CNIH2: variants seen among roughly 807,000 people sequenced by gnomAD.
CNIH2 encodes cornichon family AMPA receptor auxiliary protein 2.
In CNIH2, 8 loss-of-function variants were observed where a neutral mutation model predicts 22.9. The observed-to-expected ratio is 0.35, with a 90% CI of 0.20 to 0.63. The LOEUF is 0.63. CNIH2 is among the 30% of genes least tolerant of loss of function. The pLI, the probability that CNIH2 is intolerant of heterozygous loss-of-function variation, is 0.72. For missense variants in CNIH2, 105 were observed against 206.2 expected, an observed-to-expected ratio of 0.51 and a Z score of 3.01; for synonymous variants, 74 against 78.2, an observed-to-expected ratio of 0.95 and a Z score of 0.28.
At chr11:66,282,434 C>T (rs1269602050) in intron 2 of CNIH2, 107 bp downstream of exon 2, 3 of 1,109,574 alleles carry the variant, frequency 2.7e-6, no homozygotes, top group Non-Finnish European at 4.0e-6. Flanking sequence ...GGGGGGCCTA[C>T]GGCCATGCCC....
In CNIH2 at chr11:66,280,919, T is replaced by C. The variant is rs540733106; in HGVS notation, c.82-1340T>C. Among the ~76,000 whole-genome samples, 9 of 152,264 alleles carry C rather than the reference T, an allele frequency of 5.9e-5. No homozygotes were observed. In the South Asian group the frequency reaches 1.9e-3, roughly 32 times the overall value. On this transcript the variant is annotated intron_variant, in intron 1 of 5. Transcript: ENST00000311445. Reference sequence around the variant, plus strand: ...ACAGGAGGGGACCCCAGCAGGCTCCTCTGCCAGCCCATTTCCCCCAAGTCA... The same window carrying C: ...ACAGGAGGGGACCCCAGCAGGCTCCCCTGCCAGCCCATTTCCCCCAAGTCA...
intron 1 of CNIH2, among the ~76,000 whole-genome samples, chr11:66,280,806 G>A (rs1857248809): frequency 6.6e-6 from 1 of 152,108 alleles, no homozygotes; most frequent in African/African-American, 2.4e-5. Flanking sequence ...CTCCCTCCAG[G>A]AAGCCCATGT....
At chr11:66,278,581 AG>A in intron 1 of CNIH2, 44 bp downstream of exon 1, 1 of 338,632 alleles carries the variant, frequency 3.0e-6, no homozygotes, top group Non-Finnish European at 5.5e-6. Context: ...GGTGGGGGGC[AG>A]GGGCCACGCG....
chr11:66,282,194 G>A (rs1471543012), intron 1 of CNIH2, 65 bp from the exon 2 acceptor site: 4 of 1,408,318 alleles, frequency 2.8e-6, no homozygotes, highest in Non-Finnish European at 4.0e-6. Context: ...CTATCCCACA[G>A]AAGGACTTGG....
At position 66,278,534 on chromosome 11, in the gene CNIH2, G is replaced by C. The variant is rs1321183623; in HGVS notation, c.78G>C (p.Trp26Cys). 7.1e-7 allele frequency: 1 copy of C among 1,413,756 alleles called. No individual in the cohort carries two copies. The allele number at this position is 1,413,756 out of a possible 1,614,324, so 87.6% of individuals were successfully genotyped here. A position where few individuals can be genotyped will look rare whatever the true frequency, so the allele number is the denominator to read the frequency against. ...LCASLIFFVI[W>C]HIIAFDELRT... is the part of the protein sequence containing the mutation. ...CCTCCCTCATCTTCTTTGTCATCTG[G>C]CACGTAAGGCCGGGCTGGGGCTGGG... is the stretch of plus-strand genomic sequence containing the variant. The change falls in exon 1 of 6, where the codon TGG becomes TGC. Residue 26 changes from tryptophan to cysteine, a missense_variant. By Grantham distance (215) the Trp-to-Cys change is radical (BLOSUM62 -2). Coordinates refer to ENST00000311445, the MANE Select transcript of CNIH2 (RefSeq NM_182553.3).
intron 2 of CNIH2, 90 bp from the exon 3 acceptor site, chr11:66,282,643 G>A: frequency 2.1e-6 from 3 of 1,456,892 alleles, no homozygotes; most frequent in Admixed American, 3.5e-5. Context: ...TCGCTCTGGC[G>A]CCCCCTGGCG....
At chr11:66,282,914 C>A in intron 3 of CNIH2, 121 bp from the exon 4 acceptor site, 1 of 1,351,182 alleles carries the variant, frequency 7.4e-7, no homozygotes, top group South Asian at 1.2e-5. Context: ...AAGCCAGAGG[C>A]CTTTTAATCC....
chr11:66,282,885 C>CCCTCCCAAGTAGAGTGGA, intron 3 of CNIH2, 105 bp downstream of exon 3: 1 of 1,451,862 alleles, frequency 6.9e-7, no homozygotes, highest in Non-Finnish European at 9.5e-7. Flanking sequence ...TTGATCCACT[C>CCCTCCCAAGTAGAGTGGA]TACTTGGGAG....
At chr11:66,281,157 CCTCA>C (rs1253308898) in intron 1 of CNIH2, among the ~76,000 whole-genome samples, 1 of 152,184 alleles carries the variant, frequency 6.6e-6, no homozygotes, top group Non-Finnish European at 1.5e-5. Context: ...CTACAACTCT[CCTCA>C]CTCAGACCAC....
In CNIH2 at chr11:66,278,505, T is replaced by C; in HGVS notation, c.49T>C (p.Cys17Arg). The C allele has an allele frequency of 6.5e-7, 1 of 1,537,802 alleles. No individual in the cohort carries two copies. The change falls in exon 1 of 6, where the codon TGC becomes CGC. Residue 17 changes from cysteine to arginine, a missense_variant. Cys to Arg is a radical substitution (Grantham distance 180, BLOSUM62 -3). Transcript: ENST00000311445. ...AFCYMLTLVL[C>R]ASLIFFVIWH... ...CTGCTACATGCTCACCCTGGTGCTG[T>C]GCGCCTCCCTCATCTTCTTTGTCAT...
chr11:66,282,132 C>T lies in CNIH2; in HGVS notation c.82-127C>T, dbSNP rs374842460. ...CCAGGCCCTGCTCCTCCCTGGACCTCGGTTTCTCCACCTTTGCAACAAGCT... is the reference window on the plus strand; with the variant it reads ...CCAGGCCCTGCTCCTCCCTGGACCTTGGTTTCTCCACCTTTGCAACAAGCT... On this transcript the variant is annotated intron_variant, in intron 1 of 5. Coordinates refer to ENST00000311445, the MANE Select transcript of CNIH2 (RefSeq NM_182553.3). 4.3e-4 allele frequency: 348 copies of T among 810,830 alleles called. 4 individuals are homozygous for T. In the South Asian group the frequency reaches 4.9e-3, roughly 11 times the overall value. 50.2% of individuals were successfully genotyped at this position (810,830 alleles called of 1,614,324 possible).
Position 66,278,538 on chromosome 11 carries a change from G to T in CNIH2, c.81+1G>T. On this transcript the variant is annotated splice_donor_variant, in intron 1 of 5. Coordinates refer to ENST00000311445, the MANE Select transcript of CNIH2 (RefSeq NM_182553.3). LOFTEE classifies it high-confidence loss of function. ...CCTCATCTTCTTTGTCATCTGGCACGTAAGGCCGGGCTGGGGCTGGGGCTG... is the reference window on the plus strand; with the variant it reads ...CCTCATCTTCTTTGTCATCTGGCACTTAAGGCCGGGCTGGGGCTGGGGCTG... 7.0e-7 allele frequency: 1 copy of T among 1,423,652 alleles called. No homozygotes were observed. 88.2% of individuals were successfully genotyped at this position (1,423,652 alleles called of 1,614,324 possible).
At chr11:66,279,540 G>A (rs1857227683) in intron 1 of CNIH2, among the ~76,000 whole-genome samples, 1 of 135,632 alleles carries the variant, frequency 7.4e-6, no homozygotes, top group Non-Finnish European at 1.5e-5. Context: ...CACACCTCCC[G>A]CGCACACCTC....
intron 2 of CNIH2, 123 bp from the exon 3 acceptor site, chr11:66,282,610 C>A: frequency 2.5e-6 from 3 of 1,196,186 alleles, no homozygotes; most frequent in Non-Finnish European, 3.6e-6. Flanking sequence ...TGCTTCCCGG[C>A]CGTGCCGACA....
At chr11:66,282,401 A>AAGG in intron 2 of CNIH2, 74 bp downstream of exon 2, 1 of 304,254 alleles carries the variant, frequency 3.3e-6, no homozygotes, top group Admixed American at 3.8e-5. Context: ...TGGGGGTGGG[A>AAGG]GACGGGAAGA....
chr11:66,281,547 T>C, intron 1 of CNIH2: 1 of 443,352 alleles, frequency 2.3e-6, no homozygotes, highest in South Asian at 1.6e-5. Flanking sequence ...TACTCTTCAA[T>C]GCCTCCCCCC....
At chr11:66,278,921 C>CCG (rs1857212955) in intron 1 of CNIH2, among the ~76,000 whole-genome samples, 1 of 99,922 alleles carries the variant, frequency 1.0e-5, no homozygotes, top group Non-Finnish European at 2.3e-5. Flanking sequence ...TGCTGCCCCC[C>CCG]CCCCCCCGCC....
At chr11:66,280,910 G>A (rs1050179417) in intron 1 of CNIH2, among the ~76,000 whole-genome samples, 2 of 152,148 alleles carry the variant, frequency 1.3e-5, no homozygotes, top group South Asian at 2.1e-4. Flanking sequence ...GGGGACCCCA[G>A]CAGGCTCCTC....
chr11:66,283,716 CCT>C lies in CNIH2; in HGVS notation c.*123_*124del. On this transcript the variant is annotated 3_prime_UTR_variant, in exon 6 of 6. Coordinates refer to ENST00000311445, the MANE Select transcript of CNIH2 (RefSeq NM_182553.3). ...AGGGAGGGGGCACTGGTGCCCCCAG[CCT>C]CTCCAACCCCCAAACTGCTGCTGCG... The C allele has an allele frequency of 8.9e-7, 1 of 1,128,528 alleles. No homozygotes were observed. The highest frequency in any genetic ancestry group is 1.3e-6 in the Non-Finnish European group (1 of 794,778). The allele number at this position is 1,128,528 out of a possible 1,614,324, so 69.9% of individuals were successfully genotyped here.
Sources: allele counts gnomAD v4.1 joint callset (sites outside exome capture counted in the v4.1 genomes callset), GRCh38; gene constraint gnomAD v4.1.1; transcripts MANE v1.5; gene names NCBI Gene and HGNC (gene_info 2026-07-23, HGNC 2026-07-21).